DNAH17: variants seen among roughly 807,000 people sequenced by gnomAD.
DNAH17 encodes the protein axonemal beta dynein heavy chain 17.
A neutral mutation model predicts 485.6 loss-of-function variants in DNAH17; 376 were observed. That is an observed-to-expected ratio of 0.77 (90% CI 0.71 to 0.84). The LOEUF (loss-of-function observed/expected upper bound fraction) is 0.84. Among genes scored for constraint, DNAH17 ranks in the 40% least tolerant of loss-of-function variants. DNAH17 has a pLI of 0.00. For missense variants in DNAH17, 6,370 were observed against 5,839.3 expected (o/e 1.09, Z -2.96); for synonymous variants, 3,031 against 2,405.9 (o/e 1.26, Z -7.60).
intron 26 of DNAH17, among the ~76,000 whole-genome samples, chr17:78,511,148 G>A (rs538108769): frequency 2.0e-5 from 3 of 152,198 alleles, no homozygotes; most frequent in Non-Finnish European, 2.9e-5. Context: ...ACAGAGTCTC[G>A]CTTTGTCACC....
At chr17:78,524,762 G>A (rs1598639766) in intron 25 of DNAH17, among the ~76,000 whole-genome samples, 2 of 152,036 alleles carry the variant, frequency 1.3e-5, no homozygotes, top group Non-Finnish European at 2.9e-5. Context: ...GAAGGGAGGG[G>A]AAAAAAGAAA....
Position 78,479,050 on chromosome 17 carries a change from A to G in DNAH17, c.7967T>C (p.Leu2656Pro), listed in dbSNP as rs1294979435. The G allele has an allele frequency of 6.2e-7, 1 of 1,613,874 alleles. No homozygotes were observed. The highest frequency in any genetic ancestry group is 1.7e-5 in the Admixed American group (1 of 59,998). ...CTGGAAAATATTGGAGAGGTCCCTGAGGTTGAAGACATAATGAAACTTAAT... is the reference window on the plus strand; with the variant it reads ...CTGGAAAATATTGGAGAGGTCCCTGGGGTTGAAGACATAATGAAACTTAAT... ...TAIKFHYVFN[L>P]RDLSNIFQGL... The change falls in exon 51 of 81, where the codon CTC becomes CCC. Residue 2656 changes from leucine to proline, a missense_variant. Coordinates refer to ENST00000389840, the MANE Select transcript of DNAH17 (RefSeq NM_173628.4).
At chr17:78,470,886 C>T (rs1377063920) in intron 54 of DNAH17, among the ~76,000 whole-genome samples, 3 of 152,068 alleles carry the variant, frequency 2.0e-5, no homozygotes, top group Middle Eastern at 3.4e-3. Context: ...AAGGACAGGG[C>T]GAGAAGATGG....
Position 78,437,749 on chromosome 17 carries a change from C to T in DNAH17, c.11925G>A (p.Glu3975=), listed in dbSNP as rs1380519870. The T allele has an allele frequency of 6.2e-7, 1 of 1,612,600 alleles. No homozygotes were observed. ...FISAEPAPSP[E]THIIPQGILE... Reference sequence around the variant, plus strand: ...GAATGCCCTGGGGGATGATGTGGGTCTCGGGGCTGGGGGCAGGCTCCGCGC... The same window carrying T: ...GAATGCCCTGGGGGATGATGTGGGTTTCGGGGCTGGGGGCAGGCTCCGCGC... The change falls in exon 74 of 81, where the codon GAG becomes GAA. Residue 3975 remains glutamate, a synonymous_variant. Coordinates refer to ENST00000389840, the MANE Select transcript of DNAH17 (RefSeq NM_173628.4).
Position 78,429,139 on chromosome 17 carries a change from G to A in DNAH17, c.12387C>T (p.Pro4129=), listed in dbSNP as rs2086586128. Reference sequence around the variant, plus strand: ...TCCTTACCTTGTAGTCCAGGTTGGGGGGGATCTGAAAGCCGGGGGCCAGCA... The same window carrying A: ...TCCTTACCTTGTAGTCCAGGTTGGGAGGGATCTGAAAGCCGGGGGCCAGCA... ...DVLLAPGFQI[P]PNLDYKGYHE... is the part of the protein sequence containing the mutation. The change falls in exon 76 of 81, where the codon CCC becomes CCT. Residue 4129 remains proline, a synonymous_variant. Transcript: ENST00000389840. The A allele has an allele frequency of 1.2e-6, 2 of 1,613,502 alleles. No individual in the cohort carries two copies. Among genetic ancestry groups the A allele is most frequent in the Non-Finnish European group, 1.7e-6 (2 of 1,179,794 alleles).
rs546667637 is a variant in DNAH17 at position 78,468,273 on chromosome 17, G to A, written c.8778+344C>T. On this transcript the variant is annotated intron_variant, in intron 55 of 80. Transcript: ENST00000389840. ...TAATCTAGAGATGATTTAAAGTAGA[G>A]GGGAGCATCTTCAAAAATACGACAC... 1.4e-3 allele frequency among the ~76,000 whole-genome samples: 214 copies of A among 152,260 alleles called. 1 individual carries two copies. Among genetic ancestry groups the A allele is most frequent in the African/African-American group, 4.6e-3 (193 of 41,542 alleles).
chr17:78,494,364 G>A (rs1002958541), intron 40 of DNAH17, among the ~76,000 whole-genome samples, 191 bp from the exon 41 acceptor site: 1 of 125,582 alleles, frequency 8.0e-6, no homozygotes, highest in Non-Finnish European at 1.7e-5. Context: ...TCATGCAGGG[G>A]GTCGGTTTGC....
rs752618826 is a variant in DNAH17, at chr17:78,445,594, C to A, written c.11298G>T (p.Val3766=). 1.9e-6 allele frequency: 3 copies of A among 1,563,872 alleles called. No homozygotes were observed. The Admixed American group carries it at 5.7e-5, about 30-fold the overall frequency. ...FPFKAGVVSP[V]DFLQHQGWGG... ...CCCAGCCTTGATGCTGGAGGAAGTC[C>A]ACTGGTGAGACCACTCCGGCCTTAA... is the stretch of plus-strand genomic sequence containing the variant. Residue 3766 remains valine, a synonymous_variant, in exon 70 of 81, where the codon GTG becomes GTT. Transcript: ENST00000389840.
chr17:78,440,016 C>G (rs1201493807), intron 72 of DNAH17, among the ~76,000 whole-genome samples: 1 of 151,872 alleles, frequency 6.6e-6, no homozygotes, highest in African/African-American at 2.4e-5. Flanking sequence ...CTAGCCTGAA[C>G]TCCACTCCCC....
intron 26 of DNAH17, chr17:78,510,756 C>CCCCCG: frequency 2.4e-6 from 1 of 423,420 alleles, no homozygotes; most frequent in South Asian, 3.3e-5. Context: ...TTGCGGCCCC[C>CCCCCG]CCGCAAAATT....
intron 9 of DNAH17, 101 bp downstream of exon 9, chr17:78,569,063 TGG>T: frequency 1.1e-6 from 1 of 905,818 alleles, no homozygotes; most frequent in Non-Finnish European, 1.7e-6. Context: ...ATTTTCTGCC[TGG>T]GGGATTATTG....
rs779940498 is a variant in DNAH17, at chr17:78,429,288, C to T, written c.12238G>A (p.Asp4080Asn). 9.9e-6 allele frequency: 16 copies of T among 1,613,372 alleles called. No homozygotes were observed. In the Admixed American group the frequency reaches 1.5e-4, roughly 15 times the overall value. Residue 4080 changes from aspartate to asparagine, a missense_variant, in exon 76 of 81, where the codon GAT becomes AAT. Coordinates refer to ENST00000389840, the MANE Select transcript of DNAH17 (RefSeq NM_173628.4). ...ATTTCACCAAAAAGGTAGCGGAGAT[C>T]GTCCCAGGGCACCTGAGGAAGGATG... is the stretch of plus-strand genomic sequence containing the variant. Reference protein sequence around the residue: ...LEANPKVPWDDLRYLFGEIMY... With the variant: ...LEANPKVPWDNLRYLFGEIMY...
At chr17:78,477,978 TCATCACCACCATCACCAC>T (rs1568117181) in intron 51 of DNAH17, among the ~76,000 whole-genome samples, 4 of 118,114 alleles carry the variant, frequency 3.4e-5, no homozygotes, top group Non-Finnish European at 5.1e-5. Flanking sequence ...ACCACCATCA[TCATCACCACCATCACCAC>T]CACCATCATC....
rs771227618 is a variant in DNAH17 at position 78,461,562 on chromosome 17, C to G, written c.9321G>C (p.Lys3107Asn). The change falls in exon 58 of 81, where the codon AAG (lysine) becomes AAC (asparagine). Residue 3107 changes from lysine to asparagine, a missense_variant. Transcript: ENST00000389840. ...EKAIADQEEV[K>N]VEVINKNVTE... ...CACCTACCTTATTGATGACCTCGAC[C>G]TTGACTTCTTCCTGGTCAGCAATGG... The G allele has an allele frequency of 2.5e-6, 4 of 1,598,492 alleles. No homozygotes were observed. Among genetic ancestry groups the G allele is most frequent in the South Asian group, 1.1e-5 (1 of 88,216 alleles).
chr17:78,511,296 C>T (rs992562079), intron 26 of DNAH17, among the ~76,000 whole-genome samples: 8 of 152,144 alleles, frequency 5.3e-5, no homozygotes, highest in African/African-American at 9.7e-5. Context: ...TTAGTAGAGA[C>T]GGGGTTTCAC....
In DNAH17 at chr17:78,514,809, C is replaced by G. The variant is rs774847102; in HGVS notation, c.4078G>C (p.Glu1360Gln). The G allele has an allele frequency of 3.7e-6, 6 of 1,614,018 alleles. No individual in the cohort carries two copies. In the Admixed American group the frequency reaches 1.0e-4, roughly 27 times the overall value. Reference protein sequence around the residue: ...VSELQNPAIRERHWQQLMQAT... With the variant: ...VSELQNPAIRQRHWQQLMQAT... Reference sequence around the variant, plus strand: ...TGCATGAGCTGCTGCCAGTGGCGTTCCCGAATGGCAGGGTTCTGCAGCTCG... The same window carrying G: ...TGCATGAGCTGCTGCCAGTGGCGTTGCCGAATGGCAGGGTTCTGCAGCTCG... The change falls in exon 26 of 81, where the codon GAA becomes CAA. Residue 1360 changes from glutamate (E) to glutamine (Q), a missense_variant. Transcript: ENST00000389840.
At chr17:78,522,609 C>T (rs75604800) in intron 25 of DNAH17, 5 of 264,192 alleles carry the variant, frequency 1.9e-5, no homozygotes, top group South Asian at 1.6e-4. Context: ...GCAACACCCA[C>T]GCCGACTTCA....
chr17:78,469,342 T>C (rs1411111951), intron 54 of DNAH17, among the ~76,000 whole-genome samples: 1 of 152,170 alleles, frequency 6.6e-6, no homozygotes, highest in Admixed American at 6.5e-5. Flanking sequence ...AGGGTTTCAC[T>C]ATGTTAGCCA....
rs747098184 is a variant in DNAH17 at position 78,494,981 on chromosome 17, C to T, written c.6020G>A (p.Cys2007Tyr). 81 of 1,613,062 alleles carry T rather than the reference C, an allele frequency of 5.0e-5. No individual in the cohort carries two copies. The highest frequency in any genetic ancestry group is 6.9e-5 in the Non-Finnish European group (81 of 1,179,494). ...ARKFITLYTL[C>Y]KELLSKQDHY... ...CACCTGCTTCGAGAGCAGCTCCTTGCACAAGGTGTACAGGGTGATGAACTT... is the reference window on the plus strand; with the variant it reads ...CACCTGCTTCGAGAGCAGCTCCTTGTACAAGGTGTACAGGGTGATGAACTT... The change falls in exon 39 of 81, where the codon TGC (cysteine) becomes TAC (tyrosine). Residue 2007 changes from cysteine (C) to tyrosine (Y), a missense_variant. By Grantham distance (194) the Cys-to-Tyr change is radical. Coordinates refer to ENST00000389840, the MANE Select transcript of DNAH17 (RefSeq NM_173628.4).
Sources: gnomAD v4.1 joint callset for allele counts (sites outside exome capture counted in the v4.1 genomes callset) on GRCh38, gnomAD v4.1.1 for gene constraint, MANE v1.5 for transcripts, NCBI Gene and HGNC (gene_info 2026-07-23, HGNC 2026-07-21) for gene names.